The following FYB1 variants were observed in gnomAD, a reference collection of about 807,000 sequenced individuals.
FYB1 encodes the protein FYN binding protein 1.
Under a neutral mutation model 94.1 loss-of-function variants are expected in FYB1, and 41 were observed. The ratio of observed to expected loss-of-function variants is 0.44; its 90% CI spans 0.34 to 0.57. FYB1 has a LOEUF of 0.57. Ranked by LOEUF, FYB1 falls within the 20% of genes least tolerant of loss-of-function variation. The pLI, the probability that FYB1 is intolerant of heterozygous loss-of-function variation, is 0.02. For synonymous variants in FYB1, 367 were observed against 353.2 expected (o/e 1.04, Z -0.44); for missense variants, 1,050 against 976.8 (o/e 1.07, Z -1.00).
chr5:39,252,515 T>C (rs1751769392), intron 1 of FYB1, among the ~76,000 whole-genome samples: 1 of 152,226 alleles, frequency 6.6e-6, no homozygotes, highest in Non-Finnish European at 1.5e-5. Flanking sequence ...TCAATTGGTA[T>C]AAATTCTTCC....
At chr5:39,111,091 TTTG>T (rs988408098) in intron 16 of FYB1, among the ~76,000 whole-genome samples, 23 of 151,932 alleles carry the variant, frequency 1.5e-4, no homozygotes, top group South Asian at 1.5e-3. Flanking sequence ...AAAGCTAAGT[TTTG>T]TTGTTGTTGT....
chr5:39,161,814 A>C (rs1744272026), intron 2 of FYB1, among the ~76,000 whole-genome samples: 1 of 152,208 alleles, frequency 6.6e-6, no homozygotes, highest in South Asian at 2.1e-4. Context: ...CACCTCAAAA[A>C]TAAACCCCTG....
intron 2 of FYB1, among the ~76,000 whole-genome samples, chr5:39,176,137 G>GT (rs70982547): frequency 0.014 from 853 of 61,630 alleles, 47 homozygotes; most frequent in Middle Eastern, 0.028. Flanking sequence ...TTTTTTTTCT[G>GT]TTTTTTTTTT....
At chr5:39,233,473 G>T (rs568312327) in intron 1 of FYB1, among the ~76,000 whole-genome samples, 1 of 152,284 alleles carries the variant, frequency 6.6e-6, no homozygotes, top group South Asian at 2.1e-4. Context: ...ACCATTGAAT[G>T]CTTAAAAATG....
intron 2 of FYB1, among the ~76,000 whole-genome samples, chr5:39,168,492 C>T (rs1561204835): frequency 6.6e-6 from 1 of 152,040 alleles, no homozygotes; most frequent in African/African-American, 2.4e-5. Flanking sequence ...TGAGAATGTC[C>T]AAAGACCTTG....
intron 2 of FYB1, among the ~76,000 whole-genome samples, chr5:39,195,326 A>C (rs1246911380): frequency 2.0e-5 from 3 of 152,214 alleles, no homozygotes; most frequent in Non-Finnish European, 2.9e-5. Flanking sequence ...CCACATGCTG[A>C]TATAAAACAG....
chr5:39,195,241 C>T (rs772431017), intron 2 of FYB1, among the ~76,000 whole-genome samples: 59 of 152,254 alleles, frequency 3.9e-4, no homozygotes, highest in South Asian at 1.2e-3. Flanking sequence ...TAGCACTTAC[C>T]GCTACGTTTC....
At chr5:39,211,483 G>A (rs531025402) in intron 1 of FYB1, among the ~76,000 whole-genome samples, 199 of 152,012 alleles carry the variant, frequency 1.3e-3, no homozygotes, top group Admixed American at 2.9e-3. Context: ...CACCACGCCT[G>A]GCTAATTTTT....
At chr5:39,216,631 T>C (rs957148435) in intron 1 of FYB1, among the ~76,000 whole-genome samples, 1 of 152,178 alleles carries the variant, frequency 6.6e-6, no homozygotes, top group African/African-American at 2.4e-5. Flanking sequence ...TCTATAAATA[T>C]CCAACAGTCT....
At chr5:39,268,572 T>G (rs546880617) in intron 1 of FYB1, among the ~76,000 whole-genome samples, 2 of 152,156 alleles carry the variant, frequency 1.3e-5, no homozygotes, top group Non-Finnish European at 2.9e-5. Context: ...GTGTTATTTT[T>G]TTTTTCTTTT....
intron 2 of FYB1, among the ~76,000 whole-genome samples, chr5:39,192,243 A>G (rs1363623667): frequency 2.6e-5 from 4 of 152,056 alleles, no homozygotes; most frequent in African/African-American, 9.7e-5. Context: ...TAATTATTAT[A>G]CTCATATGTA....
chr5:39,126,514 A>G (rs912361273), intron 11 of FYB1, among the ~76,000 whole-genome samples: 23 of 151,650 alleles, frequency 1.5e-4, no homozygotes, highest in African/African-American at 5.3e-4. Context: ...TGGGCAACAT[A>G]GCAAAACCTC....
chr5:39,124,746 G>T lies in FYB1; in HGVS notation c.2046-468C>A, dbSNP rs190315316. ...AATATGACCATGTTTCCCAATATGT[G>T]CATATATACCCCAAAACAGGAAAAT... On this transcript the variant is annotated intron_variant, in intron 12 of 18. Transcript: ENST00000512982. 7.9e-5 allele frequency among the ~76,000 whole-genome samples: 12 copies of T among 152,092 alleles called. No homozygotes were observed. The East Asian group carries it at 2.1e-3, about 27-fold the overall frequency.
rs1207904440 is a variant in FYB1, at chr5:39,125,992, T to C, written c.2045+6A>G. ...TGTACACTGGATTTGGTTGGTTGAC[T>C]CTTACGATGAACCTTCATTATTGTC... is the stretch of plus-strand genomic sequence containing the variant. On this transcript the variant is annotated splice_donor_region_variant and intron_variant, in intron 12 of 18. Transcript: ENST00000512982. 6.2e-7 allele frequency: 1 copy of C among 1,612,888 alleles called. No homozygotes were observed. Among genetic ancestry groups the C allele is most frequent in the East Asian group, 2.2e-5 (1 of 44,852 alleles).
At chr5:39,213,660 C>T (rs1048408756) in intron 1 of FYB1, among the ~76,000 whole-genome samples, 2 of 152,132 alleles carry the variant, frequency 1.3e-5, no homozygotes, top group Non-Finnish European at 2.9e-5. Context: ...CATTTAGTCT[C>T]TGTGTGTGTG....
chr5:39,142,917 C>T (rs1258515065), intron 3 of FYB1, among the ~76,000 whole-genome samples: 1 of 152,136 alleles, frequency 6.6e-6, no homozygotes, highest in East Asian at 1.9e-4. Flanking sequence ...TGAGAAATAG[C>T]TCCTGGCTCG....
At chr5:39,219,853 T>C (rs1750152198), upstream of FYB1, among the ~76,000 whole-genome samples, 1 of 152,186 alleles carries the variant, frequency 6.6e-6, no homozygotes, top group African/African-American at 2.4e-5. Flanking sequence ...GGACCCATAA[T>C]CTTTCCACAC....
At chr5:39,180,110 T>C (rs896545496) in intron 2 of FYB1, among the ~76,000 whole-genome samples, 3 of 152,218 alleles carry the variant, frequency 2.0e-5, no homozygotes, top group Non-Finnish European at 2.9e-5. Flanking sequence ...CTCTATTGGA[T>C]TCCTGAGGTC....
intron 1 of FYB1, among the ~76,000 whole-genome samples, chr5:39,242,408 T>C (rs1217563331): frequency 6.6e-6 from 1 of 152,042 alleles, no homozygotes; most frequent in Non-Finnish European, 1.5e-5. Flanking sequence ...TTTGTCATTG[T>C]CATAATTTGT....
Sources: allele counts gnomAD v4.1 joint callset (sites outside exome capture counted in the v4.1 genomes callset), GRCh38; gene constraint gnomAD v4.1.1; transcripts MANE v1.5; gene names NCBI Gene and HGNC (gene_info 2026-07-23, HGNC 2026-07-21).